FBXL17: variants seen among roughly 807,000 people sequenced by gnomAD.
FBXL17 encodes the protein F-box/LRR-repeat protein 17.
In FBXL17, 22 loss-of-function variants were observed where a neutral mutation model predicts 66.2. The observed-to-expected ratio is 0.33, with a 90% confidence interval of 0.24 to 0.47. The LOEUF (loss-of-function observed/expected upper bound fraction) is 0.47. Among genes scored for constraint, FBXL17 ranks in the 20% least tolerant of loss-of-function variants. The pLI is 1.00. For synonymous variants in FBXL17, 474 were observed against 400.5 expected, an observed-to-expected ratio of 1.18 and a Z score of -2.19; for missense variants, 878 against 948.2, an observed-to-expected ratio of 0.93 and a Z score of 0.97.
At chr5:107,866,584 A>C (rs1748282991) in intron 8 of FBXL17, among the ~76,000 whole-genome samples, 1 of 152,162 alleles carries the variant, frequency 6.6e-6, no homozygotes, top group African/African-American at 2.4e-5. Flanking sequence ...AGGCCATTAC[A>C]GTCCCTTTAT....
intron 4 of FBXL17, among the ~76,000 whole-genome samples, chr5:108,238,666 T>G (rs2416528): frequency 0.22 from 32,817 of 152,016 alleles, 4,227 homozygotes; most frequent in African/African-American, 0.37. Flanking sequence ...ATGCACCACC[T>G]TGCCAGGCTA....
chr5:108,242,272 C>T (rs1561484148), intron 4 of FBXL17, among the ~76,000 whole-genome samples: 1 of 152,096 alleles, frequency 6.6e-6, no homozygotes, highest in South Asian at 2.1e-4. Flanking sequence ...ACCTGGAACT[C>T]CTAGACTCCA....
At chr5:108,279,712 A>G (rs1757626441) in intron 4 of FBXL17, among the ~76,000 whole-genome samples, 1 of 152,130 alleles carries the variant, frequency 6.6e-6, no homozygotes, top group South Asian at 2.1e-4. Flanking sequence ...AAACAAATAC[A>G]AAGAACACAG....
At chr5:107,931,760 T>C (rs1750744562) in intron 7 of FBXL17, among the ~76,000 whole-genome samples, 1 of 152,180 alleles carries the variant, frequency 6.6e-6, no homozygotes, top group Non-Finnish European at 1.5e-5. Context: ...GCTCATTCCA[T>C]ATGTTAGGTC....
chr5:108,297,710 CAA>C (rs1758406363), intron 4 of FBXL17: 1 of 455,350 alleles, frequency 2.2e-6, no homozygotes, highest in Admixed American at 6.4e-5. Context: ...TTCAGTACTA[CAA>C]AAAACATTAA....
At chr5:108,362,839 T>C (rs576412491) in intron 3 of FBXL17, among the ~76,000 whole-genome samples, 1 of 152,124 alleles carries the variant, frequency 6.6e-6, no homozygotes, top group East Asian at 1.9e-4. Context: ...ATAAAGAAAA[T>C]ATATTCTAAA....
intron 5 of FBXL17, among the ~76,000 whole-genome samples, chr5:108,214,713 A>C (rs1305801430): frequency 6.6e-6 from 1 of 151,976 alleles, no homozygotes; most frequent in African/African-American, 2.4e-5. Context: ...CTATTTTAGA[A>C]ATCTTTGTCT....
chr5:107,987,114 T>G (rs761498924), intron 7 of FBXL17, among the ~76,000 whole-genome samples: 1 of 150,730 alleles, frequency 6.6e-6, no homozygotes, highest in Admixed American at 6.6e-5. Context: ...TGAAAAGAGA[T>G]AGGAAAACAC....
intron 4 of FBXL17, among the ~76,000 whole-genome samples, chr5:108,276,567 T>C (rs1324212279): frequency 6.6e-6 from 1 of 152,140 alleles, no homozygotes; most frequent in Non-Finnish European, 1.5e-5. Flanking sequence ...TCCTTCTATT[T>C]ATAATGATCT....
At chr5:108,304,161 G>A (rs1353773503) in intron 4 of FBXL17, among the ~76,000 whole-genome samples, 1 of 151,864 alleles carries the variant, frequency 6.6e-6, no homozygotes, top group Non-Finnish European at 1.5e-5. Context: ...CACTTTGATA[G>A]TTGTTTTAAA....
At chr5:108,373,823 T>A (rs1459025748) in intron 1 of FBXL17, among the ~76,000 whole-genome samples, 3 of 151,880 alleles carry the variant, frequency 2.0e-5, no homozygotes, top group Admixed American at 2.0e-4. Context: ...GAGGCTGAGG[T>A]TGGAGAATAG....
chr5:107,921,379 T>C (rs1309622644), intron 7 of FBXL17, among the ~76,000 whole-genome samples: 1 of 152,186 alleles, frequency 6.6e-6, no homozygotes, highest in African/African-American at 2.4e-5. Context: ...ACATTCCATA[T>C]ATTTGCATGT....
At chr5:107,945,268 T>C (rs567794505) in intron 7 of FBXL17, among the ~76,000 whole-genome samples, 3 of 152,262 alleles carry the variant, frequency 2.0e-5, no homozygotes, top group East Asian at 1.9e-4. Context: ...ACATCAATCA[T>C]TGGCAAGGAT....
intron 5 of FBXL17, among the ~76,000 whole-genome samples, chr5:108,186,537 T>C (rs1753240136): frequency 6.6e-6 from 1 of 152,050 alleles, no homozygotes; most frequent in Admixed American, 6.6e-5. Flanking sequence ...TTTGGGAAGC[T>C]GAGGCGGGTG....
chr5:108,352,530 A>T (rs564467077), intron 3 of FBXL17, among the ~76,000 whole-genome samples: 21 of 152,330 alleles, frequency 1.4e-4, no homozygotes, highest in African/African-American at 4.6e-4. Context: ...TTGTTTTTTG[A>T]GACGGAGTTT....
At chr5:108,269,218 A>C (rs987306553) in intron 4 of FBXL17, among the ~76,000 whole-genome samples, 1 of 152,068 alleles carries the variant, frequency 6.6e-6, no homozygotes, top group Non-Finnish European at 1.5e-5. Context: ...GGTAAGAGTG[A>C]TCTTCTTGAA....
intron 6 of FBXL17, among the ~76,000 whole-genome samples, chr5:108,183,034 ATTTTT>A (rs34101023): frequency 4.4e-5 from 4 of 91,552 alleles, no homozygotes. Flanking sequence ...ACAGTTTTCT[ATTTTT>A]TTTTTTTTTT....
chr5:108,037,844 C>T lies in FBXL17; in HGVS notation c.1746-16843G>A, dbSNP rs897314007. Among the ~76,000 whole-genome samples, 5 of 152,284 alleles carry T rather than the reference C, an allele frequency of 3.3e-5. No homozygotes were observed. The South Asian group carries it at 1.0e-3, about 32-fold the overall frequency. On this transcript the variant is annotated intron_variant, in intron 6 of 8. Transcript: ENST00000542267. The stretch of plus-strand genomic sequence containing the variant: ...AATTAAATTTTCCCTTATCTCTAGA[C>T]ATTATGTGCCTCGTGATTTCATATA...
At chr5:108,242,347 A>AG (rs1755891452) in intron 4 of FBXL17, among the ~76,000 whole-genome samples, 2 of 130,224 alleles carry the variant, frequency 1.5e-5, no homozygotes, top group South Asian at 2.8e-4. Context: ...ATGCCTGGCT[A>AG]GTTTGTTGTT....
Sources: gnomAD v4.1 joint callset for allele counts (sites outside exome capture counted in the v4.1 genomes callset) on GRCh38, gnomAD v4.1.1 for gene constraint, MANE v1.5 for transcripts, NCBI Gene and HGNC (gene_info 2026-07-23, HGNC 2026-07-21) for gene names.